Variants in KHDRBS2 observed in about 807,000 individuals in gnomAD.
KHDRBS2 encodes KH domain-containing, RNA-binding, signal transduction-associated protein 2.
Under a neutral mutation model 44.3 loss-of-function variants are expected in KHDRBS2, and 26 were observed. The observed-to-expected ratio is 0.59, with a 90% CI of 0.43 to 0.81. The LOEUF is 0.81. KHDRBS2 is among the 40% of genes least tolerant of loss of function. The probability of loss-of-function intolerance (pLI) is 0.00; values close to 1 mark genes in which losing one functional copy is unlikely to be tolerated. For missense variants in KHDRBS2, 476 were observed against 433.1 expected, an observed-to-expected ratio of 1.10 and a Z score of -0.88; for synonymous variants, 194 against 151.1, an observed-to-expected ratio of 1.28 and a Z score of -2.08.
At chr6:61,632,346 G>A in the KHDRBS2 span, among the ~76,000 whole-genome samples, 1 of 152,012 alleles carries the variant, frequency 6.6e-6, no homozygotes, top group Non-Finnish European at 1.5e-5. Flanking sequence ...AGTAAAGGAG[G>A]AAGAAAACAC....
chr6:62,055,913 C>T (rs1398088022), intron 2 of KHDRBS2, among the ~76,000 whole-genome samples: 2 of 151,992 alleles, frequency 1.3e-5, no homozygotes, highest in Non-Finnish European at 2.9e-5. Context: ...ACAGACCTGT[C>T]CACAAATTCC....
chr6:62,079,842 T>C (rs1397470723), intron 2 of KHDRBS2, among the ~76,000 whole-genome samples: 1 of 152,024 alleles, frequency 6.6e-6, no homozygotes, highest in African/African-American at 2.4e-5. Context: ...TGTTTATAGT[T>C]CTCTTACCTT....
At position 62,210,468 on chromosome 6, in the gene KHDRBS2, T is replaced by C. The variant is rs566622389; in HGVS notation, c.92-33156A>G. Among the ~76,000 whole-genome samples the C allele has an allele frequency of 5.7e-3, 871 of 151,982 alleles. 5 individuals carry two copies. The highest frequency in any genetic ancestry group is 8.9e-3 in the Non-Finnish European group (603 of 67,952). ...GCCTCGGCCCCCAGAGTCACTGGGA[T>C]TACAGGCACACACCACCACACCCGG... On this transcript the variant is annotated intron_variant, in intron 1 of 8. Coordinates refer to ENST00000281156, the MANE Select transcript of KHDRBS2 (RefSeq NM_152688.4).
the KHDRBS2 span, among the ~76,000 whole-genome samples, chr6:61,581,574 CAATACACAATAT>C: frequency 1.1e-5 from 1 of 91,716 alleles, no homozygotes; most frequent in Non-Finnish European, 2.5e-5. Flanking sequence ...CAACAATATA[CAATACACAATAT>C]ACAATATACA....
At chr6:62,030,579 A>T (rs1784170627) in intron 3 of KHDRBS2, among the ~76,000 whole-genome samples, 1 of 152,122 alleles carries the variant, frequency 6.6e-6, no homozygotes, top group Non-Finnish European at 1.5e-5. Context: ...TATTTGCAGA[A>T]TGAAAAATGA....
intron 7 of KHDRBS2, among the ~76,000 whole-genome samples, chr6:61,728,317 A>G (rs1184952849): frequency 1.3e-5 from 2 of 151,980 alleles, no homozygotes; most frequent in African/African-American, 4.8e-5. Flanking sequence ...GGAGGGCATC[A>G]GGAAGAATAG....
At chr6:61,744,652 A>C (rs1776620323) in intron 6 of KHDRBS2, among the ~76,000 whole-genome samples, 1 of 152,054 alleles carries the variant, frequency 6.6e-6, no homozygotes, top group South Asian at 2.1e-4. Flanking sequence ...TGTTTATTTG[A>C]TATCTCCAGC....
intron 2 of KHDRBS2, among the ~76,000 whole-genome samples, chr6:62,066,715 G>A (rs1189151298): frequency 6.6e-6 from 1 of 151,560 alleles, no homozygotes; most frequent in Non-Finnish European, 1.5e-5. Flanking sequence ...TATGTGACAG[G>A]CAGTTTTCTA....
intron 6 of KHDRBS2, among the ~76,000 whole-genome samples, chr6:61,776,590 A>G (rs1782056287): frequency 6.6e-6 from 1 of 152,186 alleles, no homozygotes; most frequent in Non-Finnish European, 1.5e-5. Context: ...ATAATGAGAT[A>G]CCTTCTCACA....
At chr6:62,059,618 C>T (rs73758643) in intron 2 of KHDRBS2, among the ~76,000 whole-genome samples, 3,725 of 151,578 alleles carry the variant, frequency 0.025, 165 homozygotes, top group African/African-American at 0.084. Context: ...GGAACAAAAA[C>T]GTTAGAGAAA....
At chr6:61,883,972 G>T (rs1253644314) in intron 6 of KHDRBS2, among the ~76,000 whole-genome samples, 2 of 151,992 alleles carry the variant, frequency 1.3e-5, no homozygotes, top group Non-Finnish European at 2.9e-5. Context: ...GCCACACGTG[G>T]CTCCCCTCAA....
chr6:62,015,935 C>A (rs1222070227), intron 3 of KHDRBS2, among the ~76,000 whole-genome samples: 2 of 152,122 alleles, frequency 1.3e-5, no homozygotes, highest in African/African-American at 4.8e-5. Context: ...CCAGTGTCAG[C>A]AAAGAGAGAT....
intron 2 of KHDRBS2, among the ~76,000 whole-genome samples, chr6:62,148,508 C>T (rs934886659): frequency 4.0e-5 from 6 of 151,854 alleles, no homozygotes; most frequent in African/African-American, 1.5e-4. Context: ...ATAAATCTCA[C>T]GATCCCAGAA....
intron 6 of KHDRBS2, among the ~76,000 whole-genome samples, chr6:61,734,460 TTG>T (rs1449705310): frequency 6.6e-6 from 1 of 152,112 alleles, no homozygotes; most frequent in African/African-American, 2.4e-5. Flanking sequence ...GTATTCATTT[TTG>T]TGTTATTAAG....
intron 2 of KHDRBS2, among the ~76,000 whole-genome samples, chr6:62,168,372 T>C (rs1413497309): frequency 1.3e-5 from 2 of 152,250 alleles, no homozygotes; most frequent in East Asian, 3.9e-4. Context: ...AGAGATACTT[T>C]TAAAGGCACT....
At chr6:61,595,863 C>T in the KHDRBS2 span, among the ~76,000 whole-genome samples, 1 of 151,552 alleles carries the variant, frequency 6.6e-6, no homozygotes, top group African/African-American at 2.4e-5. Context: ...CTTAATTTAA[C>T]ATAACATGAC....
At chr6:61,816,372 A>G (rs1788931737) in intron 6 of KHDRBS2, among the ~76,000 whole-genome samples, 1 of 152,104 alleles carries the variant, frequency 6.6e-6, no homozygotes, top group Non-Finnish European at 1.5e-5. Flanking sequence ...ATGAAGAAGG[A>G]AGATGCCCGT....
intron 6 of KHDRBS2, among the ~76,000 whole-genome samples, chr6:61,874,420 A>G (rs968648092): frequency 2.6e-5 from 4 of 152,168 alleles, no homozygotes; most frequent in African/African-American, 9.6e-5. Flanking sequence ...TGTATCAGGA[A>G]TTAATGTTGT....
intron 8 of KHDRBS2, among the ~76,000 whole-genome samples, chr6:61,685,755 C>T (rs963449528): frequency 8.6e-5 from 13 of 151,672 alleles, no homozygotes; most frequent in African/African-American, 3.1e-4. Context: ...GAAATGAGGC[C>T]TATTAAGTGC....
Sources: allele counts gnomAD v4.1 joint callset (sites outside exome capture counted in the v4.1 genomes callset), GRCh38; gene constraint gnomAD v4.1.1; transcripts MANE v1.5; gene names NCBI Gene and HGNC (gene_info 2026-07-23, HGNC 2026-07-21).